GABPB2: variants seen among roughly 807,000 people sequenced by gnomAD.
GABPB2 encodes the protein GA binding protein transcription factor subunit beta 2, also known as GA-binding protein subunit beta-2.
GABPB2 carries 23 observed loss-of-function variants against 39.1 expected under a neutral mutation model. The ratio of observed to expected loss-of-function variants is 0.59; its 90% confidence interval spans 0.42 to 0.83. The LOEUF is 0.83. GABPB2 is among the 40% of genes least tolerant of loss of function. The probability of loss-of-function intolerance (pLI) is 0.00; values close to 1 mark genes in which losing one functional copy is unlikely to be tolerated. For missense variants in GABPB2, 467 were observed against 541.1 expected (o/e 0.86, Z 1.36); for synonymous variants, 184 against 199.3 (o/e 0.92, Z 0.65).
chr1:151,107,362 A>G (rs1211611319), intron 7 of GABPB2, 140 bp downstream of exon 7: 2 of 496,162 alleles, frequency 4.0e-6, no homozygotes, highest in East Asian at 7.0e-5. Context: ...TCTGAAAAAG[A>G]AAAAGAAACG....
rs1681086724 is a variant in GABPB2, at chr1:151,119,312, G to A, written c.*1056G>A. The A allele has an allele frequency of 6.6e-6, 1 of 151,976 alleles. No homozygotes were observed. Among genetic ancestry groups the A allele is most frequent in the Non-Finnish European group, 1.5e-5 (1 of 68,092 alleles). The allele number at this position is 151,976 out of a possible 1,614,324, so 9.4% of individuals were successfully genotyped here. ...TGACAGAGCAAGACTGTATCTCAAAGGAAAAAGGAAACTAGGCCAGGCGTG... is the reference window on the plus strand; with the variant it reads ...TGACAGAGCAAGACTGTATCTCAAAAGAAAAAGGAAACTAGGCCAGGCGTG... On this transcript the variant is annotated 3_prime_UTR_variant, in exon 9 of 9. Coordinates refer to ENST00000368918, the MANE Select transcript of GABPB2 (RefSeq NM_144618.3).
Position 151,109,349 on chromosome 1 carries a change from T to TATATACACAA in GABPB2, c.922+2132_922+2133insCACAAATATA, listed in dbSNP as rs1553267303. Among the ~76,000 whole-genome samples, 151 of 129,664 alleles carry TATATACACAA rather than the reference T, an allele frequency of 1.2e-3. 1 individual carries two copies. Among genetic ancestry groups the TATATACACAA allele is most frequent in the Middle Eastern group, 4.1e-3 (1 of 246 alleles). 85.1% of individuals were successfully genotyped at this position (129,664 alleles called of 152,430 possible). The stretch of plus-strand genomic sequence containing the variant: ...AAATATATATATATACACAAATATA[T>TATATACACAA]ATATATATATATATATTTTTTTTTT... On this transcript the variant is annotated intron_variant, in intron 7 of 8. Coordinates refer to ENST00000368918, the MANE Select transcript of GABPB2 (RefSeq NM_144618.3).
At chr1:151,117,256 G>A (rs1289938996) in intron 7 of GABPB2, 136 bp from the exon 8 acceptor site, 6 of 849,162 alleles carry the variant, frequency 7.1e-6, no homozygotes, top group Non-Finnish European at 9.2e-6. Context: ...AGCTGCCTGA[G>A]TAGCTAGGAC....
chr1:151,075,647 T>C (rs187530736), intron 1 of GABPB2, among the ~76,000 whole-genome samples: 164 of 149,878 alleles, frequency 1.1e-3, no homozygotes, highest in Middle Eastern at 7.0e-3. Context: ...AGGCGGAAGT[T>C]GCAGCGAGCT....
At chr1:151,117,783 C>T (rs1442703294) in intron 8 of GABPB2, among the ~76,000 whole-genome samples, 174 bp from the exon 9 acceptor site, 2 of 152,134 alleles carry the variant, frequency 1.3e-5, no homozygotes, top group East Asian at 3.8e-4. Flanking sequence ...AGGGTTTTGC[C>T]ATGTTGGCCA....
chr1:151,090,498 G>A lies in GABPB2; in HGVS notation c.201G>A (p.Arg67=). Residue 67 remains arginine, a synonymous_variant, in exon 3 of 9, where the codon CGG becomes CGA. Transcript: ENST00000368918. Reference sequence around the variant, plus strand: ...GAGCAGGTGTTAGCAGGGATGCCCGGACTAAAGTAGACAGGACCCCCTTGC... The same window carrying A: ...GAGCAGGTGTTAGCAGGGATGCCCGAACTAAAGTAGACAGGACCCCCTTGC... ...LLRAGVSRDA[R]TKVDRTPLHM... is the part of the protein sequence containing the mutation. 1.2e-6 allele frequency: 2 copies of A among 1,614,086 alleles called. No individual in the cohort carries two copies. The highest frequency in any genetic ancestry group is 1.3e-5 in the African/African-American group (1 of 75,020).
chr1:151,112,759 G>T, intron 7 of GABPB2: 1 of 176,056 alleles, frequency 5.7e-6, no homozygotes, highest in South Asian at 1.3e-4. Context: ...GAGGTAAAAG[G>T]AAGGAGCTCC....
At chr1:151,099,706 C>T (rs1026076845) in intron 5 of GABPB2, among the ~76,000 whole-genome samples, 11 of 152,280 alleles carry the variant, frequency 7.2e-5, no homozygotes, top group African/African-American at 2.4e-4. Flanking sequence ...AGAGAAGAAG[C>T]AATGTATGTG....
At chr1:151,107,391 C>G (rs868764113) in intron 7 of GABPB2, among the ~76,000 whole-genome samples, 169 bp downstream of exon 7, 50 of 151,910 alleles carry the variant, frequency 3.3e-4, no homozygotes, top group African/African-American at 1.1e-3. Context: ...CTGGCAAAAG[C>G]TAATTGCCTA....
rs936978218 is a variant in GABPB2, at chr1:151,095,903, G to A, written c.472-1949G>A. Reference sequence around the variant, plus strand: ...ACAGAAATTAGCTGACTTGGTCGTGGGTGCCTGTAATCCCAGCTACTTGGG... The same window carrying A: ...ACAGAAATTAGCTGACTTGGTCGTGAGTGCCTGTAATCCCAGCTACTTGGG... On this transcript the variant is annotated intron_variant, in intron 4 of 8. Coordinates refer to ENST00000368918, the MANE Select transcript of GABPB2 (RefSeq NM_144618.3). Among the ~76,000 whole-genome samples, 5 of 151,832 alleles carry A rather than the reference G, an allele frequency of 3.3e-5. No homozygotes were observed. The South Asian group carries it at 6.2e-4, about 19-fold the overall frequency.
chr1:151,112,722 A>G, intron 7 of GABPB2: 2 of 210,616 alleles, frequency 9.5e-6, no homozygotes, highest in Non-Finnish European at 2.0e-5. Flanking sequence ...AGCTGCTGGT[A>G]ACCCATCTTG....
chr1:151,125,032 T>G lies in GABPB2; in HGVS notation c.*6776T>G, dbSNP rs893885469. ...TTCCCAGGCATTCGAATTTAGTTAG[T>G]AGGTCATTTCTAATCTCTGGGCCTT... On this transcript the variant is annotated 3_prime_UTR_variant, in exon 9 of 9. Transcript: ENST00000368918. 3.3e-5 allele frequency: 5 copies of G among 152,142 alleles called. No homozygotes were observed. The highest frequency in any genetic ancestry group is 4.4e-5 in the Non-Finnish European group (3 of 68,018). 9.4% of individuals were successfully genotyped at this position (152,142 alleles called of 1,614,324 possible).
intron 7 of GABPB2, among the ~76,000 whole-genome samples, chr1:151,111,292 A>G (rs1043124156): frequency 7.5e-5 from 11 of 146,224 alleles, no homozygotes; most frequent in African/African-American, 1.8e-4. Context: ...CACCCAGGCT[A>G]GAGTGCAGTG....
At chr1:151,112,694 T>C in intron 7 of GABPB2, 1 of 217,840 alleles carries the variant, frequency 4.6e-6, no homozygotes, top group Non-Finnish European at 9.8e-6. Context: ...GCCAAATTTT[T>C]GTGGGTGGCT....
chr1:151,110,068 G>GC (rs1680301470), intron 7 of GABPB2, among the ~76,000 whole-genome samples: 1 of 119,378 alleles, frequency 8.4e-6, no homozygotes, highest in African/African-American at 3.1e-5. Context: ...CGCCATGTTG[G>GC]CCAGGCTGGT....
rs944146347 is a variant in GABPB2 at position 151,088,220 on chromosome 1, C to T, written c.31C>T (p.Leu11=). 6.2e-7 allele frequency: 1 copy of T among 1,613,998 alleles called. No homozygotes were observed. The highest frequency in any genetic ancestry group is 8.5e-7 in the Non-Finnish European group (1 of 1,179,952). The change falls in exon 2 of 9, where the codon CTA becomes TTA. Residue 11 remains leucine (L), a synonymous_variant. Coordinates refer to ENST00000368918, the MANE Select transcript of GABPB2 (RefSeq NM_144618.3). MSLVDLGKRL[L]EAARKGQDDE... Reference sequence around the variant, plus strand: ...TTTGGTGGACTTGGGAAAGAGGTTGCTAGAAGCAGCAAGAAAAGGCCAAGA... The same window carrying T: ...TTTGGTGGACTTGGGAAAGAGGTTGTTAGAAGCAGCAAGAAAAGGCCAAGA...
intron 1 of GABPB2, among the ~76,000 whole-genome samples, chr1:151,075,662 C>T (rs1326512033): frequency 6.6e-6 from 1 of 150,658 alleles, no homozygotes; most frequent in Non-Finnish European, 1.5e-5. Flanking sequence ...CGAGCTGAGA[C>T]TGCACCACTG....
intron 1 of GABPB2, among the ~76,000 whole-genome samples, chr1:151,073,564 GTGTTTTTTGTT>G (rs769937019): frequency 2.6e-4 from 40 of 152,174 alleles, no homozygotes; most frequent in Admixed American, 2.4e-3. Flanking sequence ...TCAAAATGCT[GTGTTTTTTGTT>G]TGTTTTTTGT....
intron 5 of GABPB2, among the ~76,000 whole-genome samples, chr1:151,102,736 C>G (rs587757830): frequency 6.6e-6 from 1 of 152,226 alleles, no homozygotes; most frequent in African/African-American, 2.4e-5. Context: ...GCCACAGCAT[C>G]CGGCCATGAA....
Sources: allele counts gnomAD v4.1 joint callset (sites outside exome capture counted in the v4.1 genomes callset), GRCh38; gene constraint gnomAD v4.1.1; transcripts MANE v1.5; gene names NCBI Gene and HGNC (gene_info 2026-07-23, HGNC 2026-07-21).